ARHGDIG: variants seen among roughly 807,000 people sequenced by gnomAD.
The protein encoded by ARHGDIG is rho GDP-dissociation inhibitor 3.
A neutral mutation model predicts 20.2 loss-of-function variants in ARHGDIG; 14 were observed. The observed-to-expected ratio is 0.69, with a 90% CI of 0.46 to 1.08. The LOEUF (loss-of-function observed/expected upper bound fraction) is 1.08, where lower values mean the gene tolerates loss of function less well. Among genes scored for constraint, ARHGDIG ranks in the 50% least tolerant of loss-of-function variants. The pLI, the probability that ARHGDIG is intolerant of heterozygous loss-of-function variation, is 0.00. For synonymous variants in ARHGDIG, 193 were observed against 138.6 expected (o/e 1.39, Z -2.76); for missense variants, 311 against 301.8 (o/e 1.03, Z -0.23).
In ARHGDIG at chr16:282,017, C is replaced by T. The variant is rs367906016; in HGVS notation, c.254-8C>T. 6.2e-7 allele frequency: 1 copy of T among 1,611,706 alleles called. No individual in the cohort carries two copies. The highest frequency in any genetic ancestry group is 1.7e-5 in the Admixed American group (1 of 59,976). On this transcript the variant is annotated splice_polypyrimidine_tract_variant and splice_region_variant and intron_variant, in intron 2 of 5. Coordinates refer to ENST00000219409, the MANE Select transcript of ARHGDIG (RefSeq NM_001176.4). ...GGGGCATCCTGCAGACTTCCAGTTTCTCCTCAGACCCAAGCCTGCCCAATG... is the reference window on the plus strand; with the variant it reads ...GGGGCATCCTGCAGACTTCCAGTTTTTCCTCAGACCCAAGCCTGCCCAATG...
Position 282,032 on chromosome 16 carries a change from C to T in ARHGDIG, c.261C>T (p.Ser87=). Residue 87 remains serine (S), a synonymous_variant, in exon 3 of 6, where the codon AGC becomes AGT. Transcript: ENST00000219409. ...CTTCCAGTTTCTCCTCAGACCCAAGCCTGCCCAATGTGCAGGTGACCAGGC... is the reference window on the plus strand; with the variant it reads ...CTTCCAGTTTCTCCTCAGACCCAAGTCTGCCCAATGTGCAGGTGACCAGGC... ...LGPLPPAVDP[S]LPNVQVTRLT... The T allele has an allele frequency of 6.2e-7, 1 of 1,612,424 alleles. No homozygotes were observed. Among genetic ancestry groups the T allele is most frequent in the Non-Finnish European group, 8.5e-7 (1 of 1,179,856 alleles).
Position 282,870 on chromosome 16 carries a change from C to G in ARHGDIG, c.*56C>G. The G allele has an allele frequency of 5.5e-5, 82 of 1,492,500 alleles. No individual in the cohort carries two copies. Among genetic ancestry groups the G allele is most frequent in the Non-Finnish European group, 7.3e-5 (82 of 1,117,710 alleles). The allele number at this position is 1,492,500 out of a possible 1,614,324, so 92.5% of individuals were successfully genotyped here. The stretch of plus-strand genomic sequence containing the variant: ...CAGTTGTTGCACAGGGACCCCCAAG[C>G]ATCCCCAGCACCCCCCGTGAGTGAC... On this transcript the variant is annotated 3_prime_UTR_variant, in exon 6 of 6. Transcript: ENST00000219409.
Position 280,722 on chromosome 16 carries a change from G to A in ARHGDIG, c.42G>A (p.Leu14=). 7.7e-7 allele frequency: 1 copy of A among 1,290,908 alleles called. No individual in the cohort carries two copies. Among genetic ancestry groups the A allele is most frequent in the Non-Finnish European group, 9.9e-7 (1 of 1,015,054 alleles). The allele number at this position is 1,290,908 out of a possible 1,614,324, so 80.0% of individuals were successfully genotyped here. The change falls in exon 1 of 6, where the codon CTG becomes CTA. Residue 14 remains leucine, a synonymous_variant. Transcript: ENST00000219409. This position sits in a 1 kb window ranked among gnomAD's most constrained non-coding sequence, Gnocchi z 6.6. ...CGTGCGAGCTGGGGGCGCAGCTGCT[G>A]GAGCTGCTCCGGCTGGCGCTGTGCG... ...LDACELGAQL[L]ELLRLALCAR...
Position 282,563 on chromosome 16 carries a change from G to T in ARHGDIG, c.478+33G>T, listed in dbSNP as rs754352953. ...CAGCGGTGGGGGGAACGGGGCGGGGGGGGGAAGCGGGGGCAGACAGAGGAC... is the reference window on the plus strand; with the variant it reads ...CAGCGGTGGGGGGAACGGGGCGGGGTGGGGAAGCGGGGGCAGACAGAGGAC... On this transcript the variant is annotated intron_variant, in intron 5 of 5. Coordinates refer to ENST00000219409, the MANE Select transcript of ARHGDIG (RefSeq NM_001176.4). The T allele has an allele frequency of 1.2e-4, 187 of 1,544,596 alleles. 1 individual carries two copies. Among genetic ancestry groups the T allele is most frequent in the Admixed American group, 6.2e-4 (32 of 51,540 alleles).
In ARHGDIG at chr16:280,872, G is replaced by A; in HGVS notation, c.73+119G>A. 2 of 526,056 alleles carry A rather than the reference G, an allele frequency of 3.8e-6. No homozygotes were observed. Among genetic ancestry groups the A allele is most frequent in the Non-Finnish European group, 2.6e-6 (1 of 382,084 alleles). The allele number at this position is 526,056 out of a possible 1,614,324, so 32.6% of individuals were successfully genotyped here. On this transcript the variant is annotated intron_variant, in intron 1 of 5. Transcript: ENST00000219409. This position sits in a 1 kb window ranked among gnomAD's most constrained non-coding sequence, Gnocchi z 6.6. ...GGGACCTCGCGGCGCCGACCCCCCGGCTGGGGTCTGGCAGGGGTGGGGGAC... is the reference window on the plus strand; with the variant it reads ...GGGACCTCGCGGCGCCGACCCCCCGACTGGGGTCTGGCAGGGGTGGGGGAC...
Position 280,735 on chromosome 16 carries a change from C to T in ARHGDIG, c.55C>T (p.Leu19=). Reference sequence around the variant, plus strand: ...GGCGCAGCTGCTGGAGCTGCTCCGGCTGGCGCTGTGCGCCCGAGGTGAGCG... The same window carrying T: ...GGCGCAGCTGCTGGAGCTGCTCCGGTTGGCGCTGTGCGCCCGAGGTGAGCG... ...LGAQLLELLR[L]ALCARVLLAD... is the part of the protein sequence containing the mutation. The change falls in exon 1 of 6, where the codon CTG becomes TTG. Residue 19 remains leucine, a synonymous_variant. Transcript: ENST00000219409. This position sits in a 1 kb window ranked among gnomAD's most constrained non-coding sequence, Gnocchi z 6.6. 7.7e-7 allele frequency: 1 copy of T among 1,296,260 alleles called. No homozygotes were observed. The highest frequency in any genetic ancestry group is 9.8e-7 in the Non-Finnish European group (1 of 1,018,222). The allele number at this position is 1,296,260 out of a possible 1,614,324, so 80.3% of individuals were successfully genotyped here.
chr16:282,332 C>T lies in ARHGDIG; in HGVS notation c.373C>T (p.Leu125=), dbSNP rs776991799. The change falls in exon 4 of 6, where the codon CTG becomes TTG. Residue 125 remains leucine, a synonymous_variant. Coordinates refer to ENST00000219409, the MANE Select transcript of ARHGDIG (RefSeq NM_001176.4). ...LAVLKDQVFV[L]KEGVDYRVKI... ...TGTTCTGAAGGACCAGGTGTTTGTC[C>T]TGAAGGAAGGTGTTGATTACAGAGT... The T allele has an allele frequency of 3.7e-6, 6 of 1,613,112 alleles. No individual in the cohort carries two copies. In the South Asian group the frequency reaches 4.4e-5, roughly 12 times the overall value.
Position 282,741 on chromosome 16 carries a change from TCAC to T in ARHGDIG, c.607_609del (p.Thr203del), listed in dbSNP as rs1173602960. 1 of 1,607,144 alleles carries T rather than the reference TCAC, an allele frequency of 6.2e-7. No homozygotes were observed. Among genetic ancestry groups the T allele is most frequent in the Non-Finnish European group, 8.5e-7 (1 of 1,177,452 alleles). ...GGCCCCTATCTGGTGGTGTCCCTCTTCACCGACGATGACAGGACGCACCACCTG... is the reference window on the plus strand; with the variant it reads ...GGCCCCTATCTGGTGGTGTCCCTCTTCGACGATGACAGGACGCACCACCTG... On this transcript the variant is annotated inframe_deletion, in exon 6 of 6. Coordinates refer to ENST00000219409, the MANE Select transcript of ARHGDIG (RefSeq NM_001176.4).
intron 5 of ARHGDIG, 37 bp downstream of exon 5, chr16:282,567 G>GGGCCCGGGGGGGGGGGGGGC: frequency 2.1e-6 from 2 of 957,380 alleles, no homozygotes; most frequent in Non-Finnish European, 3.0e-6. Context: ...GCGGGGGGGG[G>GGGCCCGGGGGGGGGGGGGGC]AAGCGGGGGC....
Position 281,654 on chromosome 16 carries a change from G to A in ARHGDIG, c.74-92G>A, listed in dbSNP as rs2052284355. On this transcript the variant is annotated intron_variant, in intron 1 of 5. Coordinates refer to ENST00000219409, the MANE Select transcript of ARHGDIG (RefSeq NM_001176.4). Reference sequence around the variant, plus strand: ...CTTCCCTTGAGTCCCTTTGGATAGTGGGAGGTACAGCTGGCCAGAGGGGGC... The same window carrying A: ...CTTCCCTTGAGTCCCTTTGGATAGTAGGAGGTACAGCTGGCCAGAGGGGGC... 3 of 1,366,402 alleles carry A rather than the reference G, an allele frequency of 2.2e-6. No homozygotes were observed. In the Admixed American group the frequency reaches 6.9e-5, roughly 31 times the overall value. 84.6% of individuals were successfully genotyped at this position (1,366,402 alleles called of 1,614,324 possible).
In ARHGDIG at chr16:282,971, CCT is replaced by C. The variant is rs1269814571; in HGVS notation, c.*158_*159del. ...GGGACCCCCTGGCCTGGCGCTGTCCCCTGAGCTGTCCCATTAAACATGGCCCT... is the reference window on the plus strand; with the variant it reads ...GGGACCCCCTGGCCTGGCGCTGTCCCGAGCTGTCCCATTAAACATGGCCCT... On this transcript the variant is annotated 3_prime_UTR_variant, in exon 6 of 6. Coordinates refer to ENST00000219409, the MANE Select transcript of ARHGDIG (RefSeq NM_001176.4). 5.3e-6 allele frequency: 5 copies of C among 935,642 alleles called. No individual in the cohort carries two copies. The African/African-American group carries it at 8.7e-5, about 16-fold the overall frequency. 58.0% of individuals were successfully genotyped at this position (935,642 alleles called of 1,614,324 possible). A position where few individuals can be genotyped will look rare whatever the true frequency, so the allele number is the denominator to read the frequency against.
Position 282,747 on chromosome 16 carries a change from A to G in ARHGDIG, c.611A>G (p.Asp204Gly). 6.2e-7 allele frequency: 1 copy of G among 1,608,338 alleles called. No individual in the cohort carries two copies. Among genetic ancestry groups the G allele is most frequent in the Non-Finnish European group, 8.5e-7 (1 of 1,177,996 alleles). ...TATCTGGTGGTGTCCCTCTTCACCG[A>G]CGATGACAGGACGCACCACCTGTCC... The part of the protein sequence containing the change: ...GPYLVVSLFT[D>G]DDRTHHLSWE... The change falls in exon 6 of 6, where the codon GAC becomes GGC. Residue 204 changes from aspartate (D) to glycine (G), a missense_variant. Asp to Gly is a moderately conservative substitution (Grantham distance 94). Transcript: ENST00000219409.
In ARHGDIG at chr16:280,942, G is replaced by A. The variant is rs1315192765; in HGVS notation, c.73+189G>A. 5 of 267,906 alleles carry A rather than the reference G, an allele frequency of 1.9e-5. No individual in the cohort carries two copies. The highest frequency in any genetic ancestry group is 5.8e-5 in the Admixed American group (1 of 17,336). The allele number at this position is 267,906 out of a possible 1,614,324, so 16.6% of individuals were successfully genotyped here. ...TGTGGGGAAGGGACCAGGTGCGGAC[G>A]GGTCGGCTTGGGAAGCGGCGGCGCT... On this transcript the variant is annotated intron_variant, in intron 1 of 5. Transcript: ENST00000219409. The surrounding 1 kb of genome is among the most constrained non-coding windows in gnomAD (Gnocchi z 6.6).
Position 282,762 on chromosome 16 carries a change from A to T in ARHGDIG, c.626A>T (p.His209Leu), listed in dbSNP as rs1462058020. The T allele has an allele frequency of 1.9e-6, 3 of 1,609,406 alleles. No homozygotes were observed. The highest frequency in any genetic ancestry group is 1.7e-5 in the Admixed American group (1 of 59,636). Reference sequence around the variant, plus strand: ...CTCTTCACCGACGATGACAGGACGCACCACCTGTCCTGGGAGTGGGGTCTC... The same window carrying T: ...CTCTTCACCGACGATGACAGGACGCTCCACCTGTCCTGGGAGTGGGGTCTC... ...VSLFTDDDRT[H>L]HLSWEWGLCI... Residue 209 changes from histidine (H) to leucine (L), a missense_variant, in exon 6 of 6, where the codon CAC (histidine) becomes CTC (leucine). Physicochemically the swap from His to Leu is moderately conservative, Grantham distance 99. Transcript: ENST00000219409.
At position 282,631 on chromosome 16, in the gene ARHGDIG, C is replaced by T. The variant is rs1350287037; in HGVS notation, c.495C>T (p.Tyr165=). The part of the protein sequence containing the change: ...RRGLRVDKTV[Y]MVGSYGPSAQ... ...CCTCCCTAGTGGACAAGACCGTCTA[C>T]ATGGTGGGCAGCTATGGCCCGAGCG... The change falls in exon 6 of 6, where the codon TAC becomes TAT. Residue 165 remains tyrosine, a synonymous_variant. Coordinates refer to ENST00000219409, the MANE Select transcript of ARHGDIG (RefSeq NM_001176.4). 3 of 1,597,730 alleles carry T rather than the reference C, an allele frequency of 1.9e-6. No homozygotes were observed. Among genetic ancestry groups the T allele is most frequent in the South Asian group, 2.3e-5 (2 of 88,786 alleles).
chr16:282,104 C>G lies in ARHGDIG; in HGVS notation c.333C>G (p.Leu111=). 3 of 1,612,892 alleles carry G rather than the reference C, an allele frequency of 1.9e-6. No individual in the cohort carries two copies. The highest frequency in any genetic ancestry group is 1.7e-6 in the Non-Finnish European group (2 of 1,179,948). Residue 111 remains leucine (L), a synonymous_variant, in exon 3 of 6, where the codon CTC becomes CTG. Transcript: ENST00000219409. The part of the protein sequence containing the change: ...EQAPGPVVMD[L]TGDLAVLKDQ... ...CTCCGGGGCCCGTCGTCATGGATCT[C>G]ACAGGTAACTCGCAGGATGCTGCAC...
rs1284041852 is a variant in ARHGDIG, at chr16:282,363, T to C, written c.404T>C (p.Ile135Thr). Reference sequence around the variant, plus strand: ...GAAGGTGTTGATTACAGAGTGAAGATCTCCTTCAAGGTGAGAGCCGGGGCA... The same window carrying C: ...GAAGGTGTTGATTACAGAGTGAAGACCTCCTTCAAGGTGAGAGCCGGGGCA... ...LKEGVDYRVK[I>T]SFKVHREIVS... is the part of the protein sequence containing the mutation. Residue 135 changes from isoleucine (I) to threonine (T), a missense_variant, in exon 4 of 6, where the codon ATC becomes ACC. Transcript: ENST00000219409. 6.2e-7 allele frequency: 1 copy of C among 1,611,646 alleles called. No individual in the cohort carries two copies. The highest frequency in any genetic ancestry group is 8.5e-7 in the Non-Finnish European group (1 of 1,179,566).
At chr16:281,627 G>A in intron 1 of ARHGDIG, 119 bp from the exon 2 acceptor site, 1 of 1,223,712 alleles carries the variant, frequency 8.2e-7, no homozygotes, top group South Asian at 1.6e-5. Context: ...AGCCCCCAGA[G>A]GCTTCCCTTG....
At chr16:282,558 C>CGGGGGGGGGAGGGGGGG (rs2052298974) in intron 5 of ARHGDIG, 28 bp downstream of exon 5, 7 of 1,313,256 alleles carry the variant, frequency 5.3e-6, no homozygotes, top group Non-Finnish European at 7.1e-6. Context: ...GGGAACGGGG[C>CGGGGGGGGGAGGGGGGG]GGGGGGGGGA....
Sources: gnomAD v4.1 joint callset for allele counts on GRCh38, gnomAD v4.1.1 for gene constraint, Gnocchi (gnomAD v3.1) non-coding constraint, MANE v1.5 for transcripts, NCBI Gene and HGNC (gene_info 2026-07-23, HGNC 2026-07-21) for gene names.